The following UBAP1 variants were observed in gnomAD, a reference collection of about 807,000 sequenced individuals.
UBAP1 encodes the protein ubiquitin associated protein 1, also known as ubiquitin-associated protein 1.
UBAP1 carries 5 observed loss-of-function variants against 39.0 expected under a neutral mutation model. That is an observed-to-expected ratio of 0.13 (90% CI 0.07 to 0.27). The LOEUF (loss-of-function observed/expected upper bound fraction) is 0.27, where lower values mean the gene tolerates loss of function less well. Ranked by LOEUF, UBAP1 falls within the 10% of genes least tolerant of loss-of-function variation. The pLI is 1.00. For synonymous variants in UBAP1, 211 were observed against 225.1 expected (o/e 0.94, Z 0.56); for missense variants, 490 against 608.1 (o/e 0.81, Z 2.04).
At chr9:34,218,023 C>T (rs549329576) in intron 1 of UBAP1, among the ~76,000 whole-genome samples, 6 of 150,142 alleles carry the variant, frequency 4.0e-5, no homozygotes, top group Admixed American at 6.6e-5. Context: ...GAGGCCGAGG[C>T]GGGTGGATCA....
At chr9:34,198,036 C>G (rs1264286033) in intron 1 of UBAP1, among the ~76,000 whole-genome samples, 1 of 152,170 alleles carries the variant, frequency 6.6e-6, no homozygotes, top group African/African-American at 2.4e-5. Context: ...GCTGGAATCT[C>G]TTGTTGAACT....
At chr9:34,244,413 C>T (rs1336806316) in intron 4 of UBAP1, among the ~76,000 whole-genome samples, 3 of 125,002 alleles carry the variant, frequency 2.4e-5, no homozygotes, top group Non-Finnish European at 3.3e-5. Context: ...CCATTGTGTA[C>T]GAGCACCACA....
intron 1 of UBAP1, among the ~76,000 whole-genome samples, chr9:34,206,905 A>C (rs528899205): frequency 6.6e-6 from 1 of 152,120 alleles, no homozygotes; most frequent in African/African-American, 2.4e-5. Context: ...AGGGATTTCT[A>C]CTTTGTTCCA....
intron 3 of UBAP1, among the ~76,000 whole-genome samples, chr9:34,237,563 A>C (rs1229414187): frequency 6.6e-6 from 1 of 152,132 alleles, no homozygotes; most frequent in Admixed American, 6.6e-5. Flanking sequence ...TTTTTTAAAA[A>C]AAAACTTTTT....
chr9:34,237,945 A>G (rs527387741), intron 3 of UBAP1, among the ~76,000 whole-genome samples: 3 of 152,192 alleles, frequency 2.0e-5, no homozygotes, highest in Admixed American at 6.5e-5. Context: ...AATCATTACT[A>G]TCTAATTCCC....
At chr9:34,232,656 T>A (rs766985311) in intron 2 of UBAP1, among the ~76,000 whole-genome samples, 3 of 152,050 alleles carry the variant, frequency 2.0e-5, no homozygotes, top group Non-Finnish European at 2.9e-5. Flanking sequence ...ATGGGAGTGA[T>A]GACAAGATTA....
chr9:34,249,030 G>T (rs1834328361), intron 4 of UBAP1, among the ~76,000 whole-genome samples: 1 of 152,140 alleles, frequency 6.6e-6, no homozygotes, highest in Non-Finnish European at 1.5e-5. Flanking sequence ...ATCCGACTGG[G>T]GTTAGTAAGT....
chr9:34,208,955 G>T (rs986278107), intron 1 of UBAP1, among the ~76,000 whole-genome samples: 4 of 151,704 alleles, frequency 2.6e-5, no homozygotes, highest in African/African-American at 9.7e-5. Flanking sequence ...TATTTTTTGA[G>T]GTGGAGTCTC....
chr9:34,223,773 A>T (rs917752680), intron 2 of UBAP1, among the ~76,000 whole-genome samples: 1 of 152,186 alleles, frequency 6.6e-6, no homozygotes, highest in Non-Finnish European at 1.5e-5. Flanking sequence ...TATTGTTTAA[A>T]TGAAACTTTC....
intron 1 of UBAP1, 92 bp from the exon 2 acceptor site, chr9:34,220,816 T>A: frequency 9.0e-7 from 1 of 1,106,830 alleles, no homozygotes. Context: ...CCCTAAAACC[T>A]TAGGTCTTCT....
intron 4 of UBAP1, 37 bp from the exon 5 acceptor site, chr9:34,249,742 A>G (rs1300856274): frequency 2.5e-6 from 4 of 1,601,888 alleles, no homozygotes; most frequent in East Asian, 4.5e-5. Context: ...TTGGGGGCCC[A>G]GGTCTTCTTG....
chr9:34,242,078 G>A lies in UBAP1; in HGVS notation c.1053G>A (p.Glu351=). ...PSLSVLSVCT[E]ESSPPNTGPT... ...TCTCTGTTTTGTCTGTGTGCACAGA[G>A]GAATCATCACCTCCAAATACTGGTC... The change falls in exon 4 of 7, where the codon GAG becomes GAA. Residue 351 remains glutamate (E), a synonymous_variant. Coordinates refer to ENST00000297661, the MANE Select transcript of UBAP1 (RefSeq NM_016525.5). 3.7e-6 allele frequency: 6 copies of A among 1,607,112 alleles called. No homozygotes were observed. The highest frequency in any genetic ancestry group is 5.1e-6 in the Non-Finnish European group (6 of 1,174,246).
In UBAP1 at chr9:34,225,505, C is replaced by T. The variant is rs180953499; in HGVS notation, c.34+4557C>T. The stretch of plus-strand genomic sequence containing the variant: ...AAAATCTCAATCCTCTGGCTGGGCG[C>T]GGTGGCTCATGCCTGTAATCACAGC... On this transcript the variant is annotated intron_variant, in intron 2 of 6. Coordinates refer to ENST00000297661, the MANE Select transcript of UBAP1 (RefSeq NM_016525.5). Among the ~76,000 whole-genome samples the T allele has an allele frequency of 8.4e-3, 1,272 of 152,050 alleles. 13 individuals carry two copies. Among genetic ancestry groups the T allele is most frequent in the Non-Finnish European group, 0.013 (895 of 67,994 alleles).
At chr9:34,182,663 CTT>C (rs770262556) in intron 1 of UBAP1, among the ~76,000 whole-genome samples, 5,034 of 62,768 alleles carry the variant, frequency 0.08, 189 homozygotes, top group Non-Finnish European at 0.12. Flanking sequence ...TTCTTTCTTT[CTT>C]TCTTTCTTTC....
chr9:34,195,753 A>G (rs1256095383), intron 1 of UBAP1, among the ~76,000 whole-genome samples: 1 of 151,300 alleles, frequency 6.6e-6, no homozygotes, highest in African/African-American at 2.4e-5. Flanking sequence ...ATGTGCCACT[A>G]TGCCCGGCTA....
chr9:34,226,486 G>A (rs1248419783), intron 2 of UBAP1, among the ~76,000 whole-genome samples: 1 of 152,018 alleles, frequency 6.6e-6, no homozygotes, highest in Admixed American at 6.6e-5. Flanking sequence ...ATCCACCTGC[G>A]TCTGCGTCCC....
intron 3 of UBAP1, among the ~76,000 whole-genome samples, chr9:34,239,681 C>T (rs1833867054): frequency 6.6e-6 from 1 of 152,116 alleles, no homozygotes; most frequent in Non-Finnish European, 1.5e-5. Flanking sequence ...TAATCTTGGA[C>T]AGATTTTTTA....
intron 1 of UBAP1, among the ~76,000 whole-genome samples, chr9:34,212,830 G>A (rs574010297): frequency 6.6e-6 from 1 of 152,184 alleles, no homozygotes; most frequent in South Asian, 2.1e-4. Context: ...AGATAAAGAA[G>A]GAACCATGCC....
chr9:34,212,841 T>C (rs894301702), intron 1 of UBAP1, among the ~76,000 whole-genome samples: 21 of 152,184 alleles, frequency 1.4e-4, no homozygotes, highest in African/African-American at 5.1e-4. Flanking sequence ...GAACCATGCC[T>C]AATTCATTGT....
Sources: allele counts gnomAD v4.1 joint callset (sites outside exome capture counted in the v4.1 genomes callset), GRCh38; gene constraint gnomAD v4.1.1; transcripts MANE v1.5; gene names NCBI Gene and HGNC (gene_info 2026-07-23, HGNC 2026-07-21).